TANC2: variants seen among roughly 807,000 people sequenced by gnomAD.
The protein encoded by TANC2 is protein TANC2.
Under a neutral mutation model 210.5 loss-of-function variants are expected in TANC2, and 26 were observed. The observed-to-expected ratio is 0.12, with a 90% CI of 0.09 to 0.17. The LOEUF (loss-of-function observed/expected upper bound fraction) is 0.17, where lower values mean the gene tolerates loss of function less well. Ranked by LOEUF, TANC2 falls within the 10% of genes least tolerant of loss-of-function variation. The pLI, the probability that TANC2 is intolerant of heterozygous loss-of-function variation, is 1.00. For missense variants in TANC2, 2,129 were observed against 2,608.9 expected (o/e 0.82, Z 4.01); for synonymous variants, 931 against 967.1 (o/e 0.96, Z 0.69).
At chr17:63,187,356 C>A (rs2041025174) in intron 5 of TANC2, among the ~76,000 whole-genome samples, 1 of 152,092 alleles carries the variant, frequency 6.6e-6, no homozygotes, top group Admixed American at 6.6e-5. Context: ...CCTTGTAGGG[C>A]AGTTTGATGA....
chr17:63,028,769 A>G (rs1208743186), intron 2 of TANC2, among the ~76,000 whole-genome samples: 2 of 152,146 alleles, frequency 1.3e-5, no homozygotes, highest in African/African-American at 4.8e-5. Context: ...ATATTCTGCC[A>G]TCTTTCATAT....
At chr17:63,262,816 G>A (rs2043406945) in intron 8 of TANC2, among the ~76,000 whole-genome samples, 1 of 152,120 alleles carries the variant, frequency 6.6e-6, no homozygotes, top group Admixed American at 6.5e-5. Context: ...GGAAACATTA[G>A]AACAGCAATA....
In TANC2 at chr17:63,420,972, A is replaced by T. The variant is rs370440994; in HGVS notation, c.5242A>T (p.Ile1748Phe). ...GAGCCGGTTGGTTTATCAAGGGTCA[A>T]TTGGGGGAATCGTAGGGGATGGAAG... The change falls in exon 28 of 28, where the codon ATT becomes TTT. Residue 1748 changes from isoleucine (I) to phenylalanine (F), a missense_variant. Physicochemically the swap from Ile to Phe is conservative, Grantham distance 21. Around this residue, in one of 5 missense-constraint regions of TANC2, gnomAD observed 584 missense variants for 627.3 expected, o/e 0.93. Coordinates refer to ENST00000689528, the Ensembl canonical transcript of TANC2. This position sits in a 1 kb window ranked among gnomAD's most constrained non-coding sequence, Gnocchi z 4.2. 6 of 1,613,882 alleles carry T rather than the reference A, an allele frequency of 3.7e-6. No individual in the cohort carries two copies. The highest frequency in any genetic ancestry group is 5.1e-6 in the Non-Finnish European group (6 of 1,179,894).
chr17:63,295,160 A>G (rs2044496887), intron 9 of TANC2, among the ~76,000 whole-genome samples: 1 of 152,174 alleles, frequency 6.6e-6, no homozygotes, highest in South Asian at 2.1e-4. Flanking sequence ...GTTTTGAGGT[A>G]CAGAAACCAT....
intron 9 of TANC2, among the ~76,000 whole-genome samples, chr17:63,270,667 A>G (rs1380556829): frequency 6.6e-6 from 1 of 152,104 alleles, no homozygotes; most frequent in South Asian, 2.1e-4. Context: ...GTTCTGTGAA[A>G]TAGGTTTTTT....
At position 63,284,204 on chromosome 17, in the gene TANC2, A is replaced by G. The variant is rs377592798; in HGVS notation, c.1159+16331A>G. ...ATTTTGTCAGAATTCCTCAACATCA[A>G]TAGAAGTTATATTTTTCTTTTTTAG... On this transcript the variant is annotated intron_variant, in intron 9 of 27. Transcript: ENST00000689528. Among the ~76,000 whole-genome samples, 8 of 152,008 alleles carry G rather than the reference A, an allele frequency of 5.3e-5. No individual in the cohort carries two copies. The South Asian group carries it at 8.3e-4, about 16-fold the overall frequency.
chr17:63,306,365 ACTCAT>A (rs2044905945), intron 9 of TANC2, among the ~76,000 whole-genome samples: 1 of 152,148 alleles, frequency 6.6e-6, no homozygotes, highest in African/African-American at 2.4e-5. Flanking sequence ...AAAATACTTC[ACTCAT>A]CTCCTCTACT....
chr17:63,338,448 T>A (rs1044283760), intron 11 of TANC2, among the ~76,000 whole-genome samples: 1 of 152,250 alleles, frequency 6.6e-6, no homozygotes, highest in African/African-American at 2.4e-5. Flanking sequence ...CAGCTGTGCT[T>A]AGCCTCAACA....
Position 63,402,511 on chromosome 17 carries a change from A to G in TANC2, c.3332-2611A>G, listed in dbSNP as rs189641902. ...CTCCTACCCGACCCCTTGATCTTAC[A>G]TGACCTGTCTGTGCTGGACTCTTCC... On this transcript the variant is annotated intron_variant, in intron 19 of 27. Transcript: ENST00000689528. Among the ~76,000 whole-genome samples the G allele has an allele frequency of 1.4e-4, 22 of 152,246 alleles. No individual in the cohort carries two copies. In the East Asian group the frequency reaches 4.2e-3, roughly 29 times the overall value.
rs1233726455 is a variant in TANC2 at position 62,966,571 on chromosome 17, G to C, written c.-202G>C. On this transcript the variant is annotated 5_prime_UTR_variant, in exon 1 of 28. Coordinates refer to ENST00000689528, the Ensembl canonical transcript of TANC2. This position sits in a 1 kb window ranked among gnomAD's most constrained non-coding sequence, Gnocchi z 5.1. ...TGACAGGAGCACCGCCGCGGGCTGC[G>C]CTCGCCGGCTGCGAGGCCCCGCCGC... Among the ~76,000 whole-genome samples the C allele has an allele frequency of 6.6e-6, 1 of 150,990 alleles. No individual in the cohort carries two copies. Among genetic ancestry groups the C allele is most frequent in the East Asian group, 2.0e-4 (1 of 5,122 alleles).
intron 11 of TANC2, among the ~76,000 whole-genome samples, chr17:63,327,421 C>G (rs1346169245): frequency 2.0e-5 from 3 of 152,172 alleles, no homozygotes; most frequent in Non-Finnish European, 4.4e-5. Flanking sequence ...AGCCACACGC[C>G]CATGTTCATT....
In TANC2 at chr17:63,150,394, C is replaced by T. The variant is rs897287250; in HGVS notation, c.323-876C>T. 12 of 152,084 alleles carry T rather than the reference C, an allele frequency of 7.9e-5. 1 individual carries two copies. The highest frequency in any genetic ancestry group is 5.9e-4 in the Admixed American group (9 of 15,266). The allele number at this position is 152,084 out of a possible 1,614,324, so 9.4% of individuals were successfully genotyped here. A position where few individuals can be genotyped will look rare whatever the true frequency, so the allele number is the denominator to read the frequency against. ...TTAACTTTTACAATAACTGATTATT[C>T]GAATGTGTATCAATAGCATTCCTGA... is the stretch of plus-strand genomic sequence containing the variant. On this transcript the variant is annotated intron_variant, in intron 4 of 27. Transcript: ENST00000689528.
intron 6 of TANC2, among the ~76,000 whole-genome samples, chr17:63,196,889 T>C (rs781435533): frequency 5.3e-5 from 8 of 152,156 alleles, no homozygotes; most frequent in Admixed American, 2.6e-4. Context: ...AAATAAGATA[T>C]GGAAACACAC....
intron 14 of TANC2, among the ~76,000 whole-genome samples, chr17:63,371,313 A>C (rs1433164353): frequency 6.6e-6 from 1 of 152,094 alleles, no homozygotes; most frequent in Non-Finnish European, 1.5e-5. Context: ...AAAAATACAA[A>C]AAATGAGCCA....
chr17:63,025,608 C>T (rs1198923692), intron 2 of TANC2, among the ~76,000 whole-genome samples: 2 of 151,626 alleles, frequency 1.3e-5, no homozygotes, highest in African/African-American at 2.4e-5. Context: ...CAAGCCTGGG[C>T]GACGTGGCGA....
chr17:63,013,274 G>A (rs2143877694), intron 2 of TANC2, among the ~76,000 whole-genome samples: 1 of 151,988 alleles, frequency 6.6e-6, no homozygotes, highest in East Asian at 1.9e-4. Flanking sequence ...TAATTCTAGG[G>A]TGCAGTTATT....
intron 15 of TANC2, among the ~76,000 whole-genome samples, chr17:63,383,617 G>A (rs1397432260): frequency 1.3e-5 from 2 of 152,084 alleles, no homozygotes; most frequent in Admixed American, 1.3e-4. Flanking sequence ...TCTATTAAAG[G>A]ACATCTTGGT....
chr17:63,267,913 G>T, intron 9 of TANC2, 40 bp downstream of exon 9: 1 of 1,566,558 alleles, frequency 6.4e-7, no homozygotes, highest in South Asian at 1.2e-5. Context: ...CCCGGGAACA[G>T]ATGGAAATGG....
intron 3 of TANC2, among the ~76,000 whole-genome samples, chr17:63,077,054 T>C (rs983871696): frequency 5.3e-5 from 8 of 152,088 alleles, no homozygotes; most frequent in Admixed American, 1.3e-4. Flanking sequence ...ACTTTGTGCT[T>C]AGTACAATGG....
Sources: allele counts gnomAD v4.1 joint callset (sites outside exome capture counted in the v4.1 genomes callset), GRCh38; gene constraint gnomAD v4.1.1; regional missense constraint gnomAD v4.1.1; non-coding constraint Gnocchi (gnomAD v3.1); transcripts MANE v1.5; gene names NCBI Gene and HGNC (gene_info 2026-07-23, HGNC 2026-07-21).